DGKG: variants seen among roughly 807,000 people sequenced by gnomAD.
DGKG encodes DAG kinase gamma.
A neutral mutation model predicts 105.3 loss-of-function variants in DGKG; 78 were observed. The ratio of observed to expected loss-of-function variants is 0.74; its 90% confidence interval spans 0.62 to 0.89. The LOEUF is 0.89. Ranked by LOEUF, DGKG falls within the 40% of genes least tolerant of loss-of-function variation. The pLI, the probability that DGKG is intolerant of heterozygous loss-of-function variation, is 0.00. For synonymous variants in DGKG, 346 were observed against 367.1 expected (o/e 0.94, Z 0.66); for missense variants, 958 against 1,020.1 (o/e 0.94, Z 0.83).
chr3:186,260,543 G>A (rs755672392), intron 15 of DGKG, 30 bp from the exon 16 acceptor site: 1 of 1,441,328 alleles, frequency 6.9e-7, no homozygotes, highest in Admixed American at 1.7e-5. Flanking sequence ...AGGAGGGAGA[G>A]AGAGAGACAG....
intron 11 of DGKG, 65 bp from the exon 12 acceptor site, chr3:186,268,982 G>A: frequency 8.6e-7 from 1 of 1,157,096 alleles, no homozygotes; most frequent in Non-Finnish European, 1.3e-6. Context: ...GCCCTGGGCT[G>A]GAGGAGAAGG....
At chr3:186,211,923 A>T (rs2108520738) in intron 20 of DGKG, 38 bp from the exon 21 acceptor site, 1 of 1,512,546 alleles carries the variant, frequency 6.6e-7, no homozygotes, top group East Asian at 2.3e-5. Context: ...AATATTCCAT[A>T]CTTGAAATGC....
intron 20 of DGKG, among the ~76,000 whole-genome samples, chr3:186,225,315 A>G (rs1719805345): frequency 6.6e-6 from 1 of 152,100 alleles, no homozygotes; most frequent in Admixed American, 6.6e-5. Flanking sequence ...TCAATGCTTT[A>G]AAATTCTCCT....
chr3:186,304,765 G>A (rs979865743), intron 3 of DGKG, among the ~76,000 whole-genome samples: 11 of 152,194 alleles, frequency 7.2e-5, no homozygotes, highest in Non-Finnish European at 1.3e-4. Context: ...GTTATGTACA[G>A]TTTATAGATG....
rs187645930 is a variant in DGKG, at chr3:186,297,904, G to A, written c.310+160C>T. Among the ~76,000 whole-genome samples, 46 of 152,290 alleles carry A rather than the reference G, an allele frequency of 3.0e-4. 1 individual carries two copies. Among genetic ancestry groups the A allele is most frequent in the South Asian group, 1.2e-3 (6 of 4,824 alleles). ...GCTGAGAGGTTCATCAGGGCTTCCC[G>A]TAAGGCACTATGAGGAAAGGCGTCC... is the stretch of plus-strand genomic sequence containing the variant. On this transcript the variant is annotated intron_variant, in intron 4 of 24. Coordinates refer to ENST00000265022, the MANE Select transcript of DGKG (RefSeq NM_001346.3).
At chr3:186,243,472 C>A (rs1364556229) in intron 19 of DGKG, among the ~76,000 whole-genome samples, 2 of 152,150 alleles carry the variant, frequency 1.3e-5, no homozygotes, top group Non-Finnish European at 2.9e-5. Context: ...CCGTGGCCAT[C>A]TCGTGAGTTC....
chr3:186,210,709 C>T lies in DGKG; in HGVS notation c.1917+1086G>A, dbSNP rs1041851635. 2.1e-5 allele frequency: 9 copies of T among 433,878 alleles called. No individual in the cohort carries two copies. Among genetic ancestry groups the T allele is most frequent in the Admixed American group, 7.7e-5 (3 of 39,200 alleles). The allele number at this position is 433,878 out of a possible 1,614,324, so 26.9% of individuals were successfully genotyped here. A position where few individuals can be genotyped will look rare whatever the true frequency, so the allele number is the denominator to read the frequency against. ...CCACAGGTGCCTCCTCCAGGGAGGC[C>T]CAGGCCCCACTGGACTGCAGTGCGG... On this transcript the variant is annotated intron_variant, in intron 21 of 24. Coordinates refer to ENST00000265022, the MANE Select transcript of DGKG (RefSeq NM_001346.3). The surrounding 1 kb of genome is among the most constrained non-coding windows in gnomAD (Gnocchi z 5.2).
intron 1 of DGKG, among the ~76,000 whole-genome samples, chr3:186,348,451 CTTTTTTTTT>C (rs1159516433): frequency 2.0e-5 from 1 of 50,702 alleles, no homozygotes; most frequent in African/African-American, 7.2e-5. Flanking sequence ...GGCTCATAAT[CTTTTTTTTT>C]TTTTTTTTTT....
At chr3:186,263,435 C>T (rs969153464) in intron 14 of DGKG, among the ~76,000 whole-genome samples, 1 of 150,444 alleles carries the variant, frequency 6.6e-6, no homozygotes, top group Non-Finnish European at 1.5e-5. Flanking sequence ...GGTGTAGTGG[C>T]GCATGCCTGT....
chr3:186,298,484 A>C (rs1723708274), intron 3 of DGKG, among the ~76,000 whole-genome samples: 3 of 152,202 alleles, frequency 2.0e-5, no homozygotes, highest in Admixed American at 6.5e-5. Context: ...GCACAGAACC[A>C]GGGCAGGCTC....
chr3:186,313,573 C>A, intron 2 of DGKG: 3 of 958,556 alleles, frequency 3.1e-6, no homozygotes, highest in Non-Finnish European at 3.7e-6. Flanking sequence ...AGTGTGGTCC[C>A]TGGACCAGCA....
intron 18 of DGKG, among the ~76,000 whole-genome samples, chr3:186,252,418 C>T (rs1346404121): frequency 6.6e-6 from 1 of 152,248 alleles, no homozygotes; most frequent in East Asian, 1.9e-4. Flanking sequence ...AGTCCCCACC[C>T]CTTTTCTGGC....
chr3:186,185,321 G>A (rs1481014474), intron 22 of DGKG, among the ~76,000 whole-genome samples: 1 of 152,200 alleles, frequency 6.6e-6, no homozygotes, highest in East Asian at 1.9e-4. Flanking sequence ...AACAGGAAGT[G>A]GTTTCACTTC....
In DGKG at chr3:186,260,485, T is replaced by C. The variant is rs1231980851; in HGVS notation, c.1378A>G (p.Asn460Asp). Residue 460 changes from asparagine (N) to aspartate (D), a missense_variant, in exon 16 of 25, where the codon AAC becomes GAC. Around this residue, in one of 2 missense-constraint regions of DGKG, gnomAD observed 643 missense variants for 619.5 expected, o/e 1.04. Transcript: ENST00000265022. The stretch of plus-strand genomic sequence containing the variant: ...TCCAGGTTGAAAACTTGTTTGGGGT[T>C]GAGCAGATAGTGGAATTTCCGAAGA... ...RILRKFHYLL[N>D]PKQVFNLDNG... 2.5e-6 allele frequency: 4 copies of C among 1,613,276 alleles called. No homozygotes were observed. Among genetic ancestry groups the C allele is most frequent in the Non-Finnish European group, 3.4e-6 (4 of 1,179,538 alleles).
At chr3:186,297,066 TCTCA>T (rs1560139890) in intron 5 of DGKG, among the ~76,000 whole-genome samples, 2,657 of 123,680 alleles carry the variant, frequency 0.021, 39 homozygotes, top group African/African-American at 0.03. Flanking sequence ...TGTCTGTCTC[TCTCA>T]CACACACACA....
At chr3:186,211,960 A>C in intron 20 of DGKG, 75 bp from the exon 21 acceptor site, 1 of 1,209,538 alleles carries the variant, frequency 8.3e-7, no homozygotes, top group Non-Finnish European at 1.2e-6. Context: ...TGTTCTTTGG[A>C]TTGGGAGGCC....
At chr3:186,320,222 A>G (rs1318653955) in intron 2 of DGKG, among the ~76,000 whole-genome samples, 171 bp downstream of exon 2, 1 of 152,194 alleles carries the variant, frequency 6.6e-6, no homozygotes, top group Non-Finnish European at 1.5e-5. Context: ...CTTAAAGATA[A>G]TTGCGTTTTT....
chr3:186,337,210 G>A (rs537924580), intron 1 of DGKG, among the ~76,000 whole-genome samples: 2 of 152,138 alleles, frequency 1.3e-5, no homozygotes, highest in East Asian at 3.9e-4. Context: ...TCTAAATAGA[G>A]TAAAACCCCA....
intron 19 of DGKG, among the ~76,000 whole-genome samples, chr3:186,244,925 G>A (rs1720867407): frequency 6.6e-6 from 1 of 152,048 alleles, no homozygotes; most frequent in South Asian, 2.1e-4. Context: ...TAAGATTCAT[G>A]TGACATTTGT....
Sources: gnomAD v4.1 joint callset for allele counts (sites outside exome capture counted in the v4.1 genomes callset) on GRCh38, gnomAD v4.1.1 for gene constraint, gnomAD v4.1.1 regional missense constraint, Gnocchi (gnomAD v3.1) non-coding constraint, MANE v1.5 for transcripts, NCBI Gene and HGNC (gene_info 2026-07-23, HGNC 2026-07-21) for gene names.